Variants in HOXA13 observed in about 807,000 individuals in gnomAD.
The protein encoded by HOXA13 is homeobox protein Hox-A13.
In HOXA13, 5 loss-of-function variants were observed where a neutral mutation model predicts 25.7. That is an observed-to-expected ratio of 0.19 (90% CI 0.10 to 0.41). The LOEUF (loss-of-function observed/expected upper bound fraction) is 0.41, where lower values mean the gene tolerates loss of function less well. Ranked by LOEUF, HOXA13 falls within the 10% of genes least tolerant of loss-of-function variation. HOXA13 has a pLI of 1.00. For missense variants in HOXA13, 557 were observed against 533.5 expected, an observed-to-expected ratio of 1.04 and a Z score of -0.43; for synonymous variants, 284 against 241.1, an observed-to-expected ratio of 1.18 and a Z score of -1.65.
Position 27,195,261 on chromosome 7 carries a change from G to A in HOXA13, c.*2937C>T, listed in dbSNP as rs940582845. 13 of 152,182 alleles carry A rather than the reference G, an allele frequency of 8.5e-5. No homozygotes were observed. Among genetic ancestry groups the A allele is most frequent in the African/African-American group, 3.1e-4 (13 of 41,444 alleles). 9.4% of individuals were successfully genotyped at this position (152,182 alleles called of 1,614,324 possible). On this transcript the variant is annotated 3_prime_UTR_variant, in exon 2 of 2. Coordinates refer to ENST00000649031, the MANE Select transcript of HOXA13 (RefSeq NM_000522.5). ...AAGTTGTGAGTCCTCAGGAGAGGTTGGAGAGGTTTCCGGCAGCCACTTTTG... is the reference window on the plus strand; with the variant it reads ...AAGTTGTGAGTCCTCAGGAGAGGTTAGAGAGGTTTCCGGCAGCCACTTTTG...
Position 27,197,102 on chromosome 7 carries a change from G to A in HOXA13, c.*1096C>T, listed in dbSNP as rs1784013192. ...TGCTTGATTAAAAATGTGCTGTGAA[G>A]ATGAATCACTAATCTTTCTAATGCA... is the stretch of plus-strand genomic sequence containing the variant. On this transcript the variant is annotated 3_prime_UTR_variant, in exon 2 of 2. Transcript: ENST00000649031. 1 of 208,124 alleles carries A rather than the reference G, an allele frequency of 4.8e-6. No individual in the cohort carries two copies. Among genetic ancestry groups the A allele is most frequent in the Non-Finnish European group, 9.8e-6 (1 of 102,024 alleles). The allele number at this position is 208,124 out of a possible 1,614,324, so 12.9% of individuals were successfully genotyped here. A position where few individuals can be genotyped will look rare whatever the true frequency, so the allele number is the denominator to read the frequency against.
In HOXA13 at chr7:27,197,712, T is replaced by C; in HGVS notation, c.*486A>G. On this transcript the variant is annotated 3_prime_UTR_variant, in exon 2 of 2. Coordinates refer to ENST00000649031, the MANE Select transcript of HOXA13 (RefSeq NM_000522.5). The stretch of plus-strand genomic sequence containing the variant: ...TATACATAAAATGTTTTGCAGAACG[T>C]ACAACAACGGTAGGAATTTCACTAA... 3.9e-6 allele frequency: 1 copy of C among 255,572 alleles called. No homozygotes were observed. Among genetic ancestry groups the C allele is most frequent in the Non-Finnish European group, 7.6e-6 (1 of 131,784 alleles). 15.8% of individuals were successfully genotyped at this position (255,572 alleles called of 1,614,324 possible).
At position 27,200,073 on chromosome 7, in the gene HOXA13, G is replaced by A; in HGVS notation, c.5C>T (p.Thr2Ile). The change falls in exon 1 of 2, where the codon ACA becomes ATA. Residue 2 changes from threonine (T) to isoleucine (I), a missense_variant. Physicochemically the swap from Thr to Ile is moderately conservative, Grantham distance 89. Transcript: ENST00000649031. The stretch of plus-strand genomic sequence containing the variant: ...GCGGGGGTGGAGGAGCACGGAGGCT[G>A]TCATAGCCCGAGCCGCATGGAGAAG... M[T>I]ASVLLHPRWI... The A allele has an allele frequency of 6.8e-7, 1 of 1,462,886 alleles. No homozygotes were observed. The highest frequency in any genetic ancestry group is 9.2e-7 in the Non-Finnish European group (1 of 1,090,342). The allele number at this position is 1,462,886 out of a possible 1,614,324, so 90.6% of individuals were successfully genotyped here. A position where few individuals can be genotyped will look rare whatever the true frequency, so the allele number is the denominator to read the frequency against.
rs184348674 is a variant in HOXA13, at chr7:27,196,457, G to T, written c.*1741C>A. The stretch of plus-strand genomic sequence containing the variant: ...AAGGTCACAAATTGTCTTTTTTTTC[G>T]TCAAGGTCAAGGTTTAAGGCCTTTC... On this transcript the variant is annotated 3_prime_UTR_variant, in exon 2 of 2. Transcript: ENST00000649031. 3.3e-5 allele frequency: 5 copies of T among 152,044 alleles called. No homozygotes were observed. The East Asian group carries it at 9.6e-4, about 29-fold the overall frequency. 9.4% of individuals were successfully genotyped at this position (152,044 alleles called of 1,614,324 possible).
chr7:27,199,136 G>T lies in HOXA13; in HGVS notation c.922+20C>A, dbSNP rs762202669. ...GGAGCAGAGCCGGAAGACCAGGGCT[G>T]GGAATAGGTCGTCATTTACCGGGCA... On this transcript the variant is annotated intron_variant, in intron 1 of 1. Coordinates refer to ENST00000649031, the MANE Select transcript of HOXA13 (RefSeq NM_000522.5). 5 of 1,603,668 alleles carry T rather than the reference G, an allele frequency of 3.1e-6. No homozygotes were observed. In the African/African-American group the frequency reaches 6.7e-5, roughly 21 times the overall value.
rs1159434464 is a variant in HOXA13 at position 27,199,268 on chromosome 7, A to C, written c.810T>G (p.Gly270=). 1.2e-6 allele frequency: 2 copies of C among 1,613,864 alleles called. No individual in the cohort carries two copies. The highest frequency in any genetic ancestry group is 1.7e-6 in the Non-Finnish European group (2 of 1,179,958). The part of the protein sequence containing the change: ...GPGESRHEPL[G]LPMESYQPWA... ...AGGGCTGGTAGCTTTCCATGGGAAG[A>C]CCCAAGGGTTCGTGGCGCGACTCGC... The change falls in exon 1 of 2, where the codon GGT becomes GGG. Residue 270 remains glycine (G), a synonymous_variant. Coordinates refer to ENST00000649031, the MANE Select transcript of HOXA13 (RefSeq NM_000522.5).
In HOXA13 at chr7:27,197,211, G is replaced by A. The variant is rs1784014280; in HGVS notation, c.*987C>T. Reference sequence around the variant, plus strand: ...ATATAGACACCTAAATATTTCAGGGGAATGAATTTTCATTCTGAGTTTTCT... The same window carrying A: ...ATATAGACACCTAAATATTTCAGGGAAATGAATTTTCATTCTGAGTTTTCT... On this transcript the variant is annotated 3_prime_UTR_variant, in exon 2 of 2. Transcript: ENST00000649031. 1 of 206,362 alleles carries A rather than the reference G, an allele frequency of 4.8e-6. No homozygotes were observed. Among genetic ancestry groups the A allele is most frequent in the South Asian group, 1.9e-4 (1 of 5,302 alleles). The allele number at this position is 206,362 out of a possible 1,614,324, so 12.8% of individuals were successfully genotyped here. A position where few individuals can be genotyped will look rare whatever the true frequency, so the allele number is the denominator to read the frequency against.
Position 27,200,090 on chromosome 7 carries a change from A to G in HOXA13, c.-13T>C. On this transcript the variant is annotated 5_prime_UTR_variant, in exon 1 of 2. The change abolishes an upstream ATG in the 5' untranslated region. Coordinates refer to ENST00000649031, the MANE Select transcript of HOXA13 (RefSeq NM_000522.5). ...CGGAGGCTGTCATAGCCCGAGCCGC[A>G]TGGAGAAGACCCCAGTGGCGCTGTT... 1 of 1,444,264 alleles carries G rather than the reference A, an allele frequency of 6.9e-7. No homozygotes were observed. The highest frequency in any genetic ancestry group is 9.3e-7 in the Non-Finnish European group (1 of 1,080,208). 89.5% of individuals were successfully genotyped at this position (1,444,264 alleles called of 1,614,324 possible). A position where few individuals can be genotyped will look rare whatever the true frequency, so the allele number is the denominator to read the frequency against.
In HOXA13 at chr7:27,199,143, GGTC is replaced by G. The variant is rs767448835; in HGVS notation, c.922+10_922+12del. ...AGCCGGAAGACCAGGGCTGGGAATA[GGTC>G]GTCATTTACCGGGCAGAGTGGACTT... On this transcript the variant is annotated intron_variant, in intron 1 of 1. Transcript: ENST00000649031. The G allele has an allele frequency of 8.1e-6, 13 of 1,606,660 alleles. No homozygotes were observed. The highest frequency in any genetic ancestry group is 1.1e-5 in the South Asian group (1 of 90,792).
chr7:27,198,885 TG>T (rs1163495072), intron 1 of HOXA13: 36 of 515,888 alleles, frequency 7.0e-5, no homozygotes, highest in Non-Finnish European at 1.1e-4. Flanking sequence ...CTTAAATTGG[TG>T]TCAGGGGCTG....
chr7:27,199,878 C>G lies in HOXA13; in HGVS notation c.200G>C (p.Gly67Ala). Residue 67 changes from glycine to alanine, a missense_variant, in exon 1 of 2, where the codon GGG becomes GCG. Physicochemically the swap from Gly to Ala is moderately conservative, Grantham distance 60. Coordinates refer to ENST00000649031, the MANE Select transcript of HOXA13 (RefSeq NM_000522.5). ...GFPHPAAAAA[G>A]GNFSVAAAAA... ...CGCCGCCGCCACCGAGAAGTTGCCC[C>G]CTGCCGCCGCAGCCGCCGGGTGGGG... is the stretch of plus-strand genomic sequence containing the variant. The G allele has an allele frequency of 1.9e-6, 2 of 1,056,886 alleles. No homozygotes were observed. Among genetic ancestry groups the G allele is most frequent in the Non-Finnish European group, 2.3e-6 (2 of 873,320 alleles). The allele number at this position is 1,056,886 out of a possible 1,614,324, so 65.5% of individuals were successfully genotyped here.
At position 27,199,959 on chromosome 7, in the gene HOXA13, G is replaced by T; in HGVS notation, c.119C>A (p.Ala40Glu). 7.3e-7 allele frequency: 1 copy of T among 1,365,758 alleles called. No individual in the cohort carries two copies. The highest frequency in any genetic ancestry group is 1.5e-5 in the South Asian group (1 of 65,226). The allele number at this position is 1,365,758 out of a possible 1,614,324, so 84.6% of individuals were successfully genotyped here. ...ELNKNMEGAA[A>E]AAAAAAAAAA... ...CGCCGCTGCAGCCGCTGCTGCAGCC[G>T]CCGCCGCCCCTTCCATGTTCTTGTT... Residue 40 changes from alanine to glutamate, a missense_variant, in exon 1 of 2, where the codon GCG (alanine) becomes GAG (glutamate). By Grantham distance (107) the Ala-to-Glu change is moderately radical. Transcript: ENST00000649031.
Position 27,195,153 on chromosome 7 carries a change from G to A in HOXA13, c.*3045C>T, listed in dbSNP as rs1011633360. ...GCAGCAAAATATAATTGAATTTCTC[G>A]AGACCTTTCGATATGTATGTTTCAA... On this transcript the variant is annotated 3_prime_UTR_variant, in exon 2 of 2. Coordinates refer to ENST00000649031, the MANE Select transcript of HOXA13 (RefSeq NM_000522.5). 2.0e-5 allele frequency: 3 copies of A among 152,152 alleles called. No individual in the cohort carries two copies. The highest frequency in any genetic ancestry group is 4.4e-5 in the Non-Finnish European group (3 of 68,024). The allele number at this position is 152,152 out of a possible 1,614,324, so 9.4% of individuals were successfully genotyped here. A position where few individuals can be genotyped will look rare whatever the true frequency, so the allele number is the denominator to read the frequency against.
Position 27,200,013 on chromosome 7 carries a change from T to C in HOXA13, c.65A>G (p.Asn22Ser). 1.4e-6 allele frequency: 2 copies of C among 1,475,366 alleles called. No homozygotes were observed. Among genetic ancestry groups the C allele is most frequent in the South Asian group, 2.4e-5 (2 of 83,076 alleles). 91.4% of individuals were successfully genotyped at this position (1,475,366 alleles called of 1,614,324 possible). A position where few individuals can be genotyped will look rare whatever the true frequency, so the allele number is the denominator to read the frequency against. The change falls in exon 1 of 2, where the codon AAC becomes AGC. Residue 22 changes from asparagine to serine, a missense_variant. Coordinates refer to ENST00000649031, the MANE Select transcript of HOXA13 (RefSeq NM_000522.5). ...IEPTVMFLYD[N>S]GGGLVADELN... ...CTCGTCGGCCACCAGGCCGCCGCCGTTGTCGTAGAGAAACATGACGGTGGG... is the reference window on the plus strand; with the variant it reads ...CTCGTCGGCCACCAGGCCGCCGCCGCTGTCGTAGAGAAACATGACGGTGGG...
At chr7:27,199,062 A>T in intron 1 of HOXA13, 94 bp downstream of exon 1, 1 of 1,236,002 alleles carries the variant, frequency 8.1e-7, no homozygotes, top group Non-Finnish European at 1.1e-6. Context: ...GACCAGGAAG[A>T]GAACAGAAAC....
chr7:27,198,668 C>T (rs73073442), intron 1 of HOXA13: 11,631 of 601,034 alleles, frequency 0.019, 175 homozygotes, highest in Non-Finnish European at 0.024. Context: ...CCCGGCCATC[C>T]TGCAGGAGCA....
rs1784023649 is a variant in HOXA13, at chr7:27,197,918, CTGAAAT to C, written c.*274_*279del. The C allele has an allele frequency of 1.0e-5, 5 of 497,480 alleles. No homozygotes were observed. The highest frequency in any genetic ancestry group is 8.8e-5 in the South Asian group (4 of 45,546). The allele number at this position is 497,480 out of a possible 1,614,324, so 30.8% of individuals were successfully genotyped here. A position where few individuals can be genotyped will look rare whatever the true frequency, so the allele number is the denominator to read the frequency against. ...AGATTTCAGTAACTGCGTAACTTAT[CTGAAAT>C]TGCGTATTTTGGGGGTTGACGTTTG... On this transcript the variant is annotated 3_prime_UTR_variant, in exon 2 of 2. Coordinates refer to ENST00000649031, the MANE Select transcript of HOXA13 (RefSeq NM_000522.5).
At chr7:27,198,779 C>G (rs1308075347) in intron 1 of HOXA13, 4 of 495,258 alleles carry the variant, frequency 8.1e-6, no homozygotes, top group Admixed American at 7.0e-5. Flanking sequence ...TCTGGGTGCC[C>G]GTCCCAATAC....
In HOXA13 at chr7:27,199,849, C is replaced by T; in HGVS notation, c.229G>A (p.Ala77Thr). 1.0e-6 allele frequency: 1 copy of T among 991,262 alleles called. No homozygotes were observed. Among genetic ancestry groups the T allele is most frequent in the East Asian group, 1.1e-4 (1 of 9,492 alleles). 61.4% of individuals were successfully genotyped at this position (991,262 alleles called of 1,614,324 possible). ...TTGGCCGCGGCCGCCGCCGCAGCCG[C>T]GGCCGCCGCCGCCACCGAGAAGTTG... ...GGNFSVAAAA[A>T]AAAAAAANQC... Residue 77 changes from alanine (A) to threonine (T), a missense_variant, in exon 1 of 2, where the codon GCG becomes ACG. Ala to Thr is a moderately conservative substitution (Grantham distance 58). Coordinates refer to ENST00000649031, the MANE Select transcript of HOXA13 (RefSeq NM_000522.5).
Sources: gnomAD v4.1 joint callset for allele counts on GRCh38, gnomAD v4.1.1 for gene constraint, MANE v1.5 for transcripts, NCBI Gene and HGNC (gene_info 2026-07-23, HGNC 2026-07-21) for gene names.